Variants in PTPRT observed in about 807,000 individuals in gnomAD.
PTPRT encodes the protein protein tyrosine phosphatase receptor type T, also known as receptor-type tyrosine-protein phosphatase T.
A neutral mutation model predicts 176.8 loss-of-function variants in PTPRT; 56 were observed. The ratio of observed to expected loss-of-function variants is 0.32; its 90% CI spans 0.26 to 0.40. The LOEUF (loss-of-function observed/expected upper bound fraction) is 0.40. PTPRT is among the 10% of genes least tolerant of loss of function. PTPRT has a pLI of 1.00. For missense variants in PTPRT, 1,540 were observed against 1,908.2 expected, an observed-to-expected ratio of 0.81 and a Z score of 3.60; for synonymous variants, 783 against 739.0, an observed-to-expected ratio of 1.06 and a Z score of -0.96.
At chr20:42,387,609 C>T (rs576121032) in intron 9 of PTPRT, among the ~76,000 whole-genome samples, 109 of 152,220 alleles carry the variant, frequency 7.2e-4, no homozygotes, top group Middle Eastern at 3.4e-3. Flanking sequence ...AATGCTCTCC[C>T]GACTCCAACA....
intron 6 of PTPRT, among the ~76,000 whole-genome samples, chr20:42,705,331 C>T (rs879618552): frequency 5.3e-5 from 8 of 149,678 alleles, no homozygotes; most frequent in African/African-American, 7.4e-5. Flanking sequence ...AAGGAGTCAG[C>T]GAAGGGTGGT....
At chr20:42,675,198 C>T (rs1234645958) in intron 7 of PTPRT, among the ~76,000 whole-genome samples, 2 of 152,194 alleles carry the variant, frequency 1.3e-5, no homozygotes, top group African/African-American at 4.8e-5. Context: ...TTCCCTGATG[C>T]CCACTTCCAC....
At chr20:42,675,076 C>T (rs1036732106) in intron 7 of PTPRT, among the ~76,000 whole-genome samples, 4 of 152,152 alleles carry the variant, frequency 2.6e-5, no homozygotes, top group Non-Finnish European at 4.4e-5. Context: ...CTACCTGGCC[C>T]GTCAGCTCAC....
At chr20:42,745,820 CTG>C (rs1374932149) in intron 6 of PTPRT, among the ~76,000 whole-genome samples, 16 of 152,340 alleles carry the variant, frequency 1.1e-4, no homozygotes, top group Middle Eastern at 3.4e-3. Flanking sequence ...AGGCCTTGGA[CTG>C]TGTGACTCTG....
At chr20:42,944,381 T>C (rs1021968781) in intron 1 of PTPRT, among the ~76,000 whole-genome samples, 6 of 152,172 alleles carry the variant, frequency 3.9e-5, no homozygotes, top group African/African-American at 9.6e-5. Context: ...TTCCTCCCAA[T>C]AGCAGTGACA....
In PTPRT at chr20:42,077,046, C is replaced by T. The variant is rs1982844393; in HGVS notation, c.*3833G>A. ...TGGAACTGTGGGCAAGTGATTTCTC[C>T]CCTAGGAGCCTTAGTTTCCTCATCA... On this transcript the variant is annotated 3_prime_UTR_variant, in exon 31 of 31. Transcript: ENST00000373187. 5.4e-6 allele frequency: 1 copy of T among 185,288 alleles called. No individual in the cohort carries two copies. Among genetic ancestry groups the T allele is most frequent in the South Asian group, 2.0e-4 (1 of 5,106 alleles). The allele number at this position is 185,288 out of a possible 1,614,324, so 11.5% of individuals were successfully genotyped here.
intron 16 of PTPRT, among the ~76,000 whole-genome samples, chr20:42,171,666 T>C (rs780238898): frequency 2.0e-5 from 3 of 152,108 alleles, no homozygotes; most frequent in South Asian, 2.1e-4. Context: ...AGGATTCAAA[T>C]AGAGATAAAA....
rs1569038123 is a variant in PTPRT, at chr20:42,633,998, ATTATATAT to A, written c.1153+43860_1153+43867del. 1.0e-4 allele frequency among the ~76,000 whole-genome samples: 3 copies of A among 29,268 alleles called. 1 individual carries two copies. Among genetic ancestry groups the A allele is most frequent in the African/African-American group, 2.4e-4 (2 of 8,240 alleles). The allele number at this position is 29,268 out of a possible 152,430, so 19.2% of individuals were successfully genotyped here. ...ATATATTATATATTATATTATATATATTATATATATATAATATATATATAATATATATA... is the reference window on the plus strand; with the variant it reads ...ATATATTATATATTATATTATATATAATATAATATATATATAATATATATA... On this transcript the variant is annotated intron_variant, in intron 7 of 30. Coordinates refer to ENST00000373187, the MANE Select transcript of PTPRT (RefSeq NM_007050.6).
intron 1 of PTPRT, among the ~76,000 whole-genome samples, chr20:42,902,936 C>A (rs1181141157): frequency 1.3e-5 from 2 of 152,204 alleles, no homozygotes; most frequent in African/African-American, 2.4e-5. Context: ...AGACATTATT[C>A]TAGCTATCAG....
At chr20:42,895,165 A>G (rs2079272717) in intron 1 of PTPRT, among the ~76,000 whole-genome samples, 1 of 152,238 alleles carries the variant, frequency 6.6e-6, no homozygotes, top group Non-Finnish European at 1.5e-5. Context: ...AAATGCCACA[A>G]ACTGTGTGAC....
intron 5 of PTPRT, among the ~76,000 whole-genome samples, chr20:42,762,675 C>T: frequency 6.6e-6 from 1 of 152,226 alleles, no homozygotes; most frequent in Admixed American, 6.5e-5. Context: ...AGGGCTCTAT[C>T]TGCATATCAA....
intron 1 of PTPRT, among the ~76,000 whole-genome samples, chr20:43,002,964 C>A (rs1398214077): frequency 1.3e-5 from 2 of 149,910 alleles, no homozygotes; most frequent in Non-Finnish European, 3.0e-5. Flanking sequence ...ATAGATAAAA[C>A]ATGAATTAAT....
intron 1 of PTPRT, among the ~76,000 whole-genome samples, chr20:43,160,301 G>A (rs2014656330): frequency 1.3e-5 from 2 of 152,186 alleles, no homozygotes; most frequent in Admixed American, 1.3e-4. Context: ...CGCTGAGACG[G>A]ACCAGGCTTG....
intron 2 of PTPRT, among the ~76,000 whole-genome samples, chr20:42,813,380 TC>T (rs2077729888): frequency 6.6e-6 from 1 of 151,926 alleles, no homozygotes; most frequent in South Asian, 2.1e-4. Flanking sequence ...ATCCCTTCCT[TC>T]CTTTTTCTTC....
chr20:42,842,496 T>C (rs1430898953), intron 2 of PTPRT, among the ~76,000 whole-genome samples: 1 of 152,196 alleles, frequency 6.6e-6, no homozygotes, highest in East Asian at 1.9e-4. Context: ...CTCAGCTCAC[T>C]GCAACCTCTG....
At chr20:42,458,143 G>A (rs557814261) in intron 8 of PTPRT, among the ~76,000 whole-genome samples, 71 of 152,228 alleles carry the variant, frequency 4.7e-4, no homozygotes, top group African/African-American at 1.5e-3. Context: ...CTCCCATGAC[G>A]TCTTGCATTA....
At chr20:42,862,667 G>A (rs1351802304) in intron 2 of PTPRT, among the ~76,000 whole-genome samples, 4 of 152,168 alleles carry the variant, frequency 2.6e-5, no homozygotes, top group South Asian at 4.1e-4. Context: ...AAAGCACCTC[G>A]AATGTGCCGA....
intron 1 of PTPRT, among the ~76,000 whole-genome samples, chr20:43,003,470 C>A (rs958637891): frequency 1.4e-4 from 21 of 152,228 alleles, no homozygotes; most frequent in African/African-American, 5.1e-4. Context: ...CCAAAGTGCT[C>A]GGATTATAGG....
intron 1 of PTPRT, among the ~76,000 whole-genome samples, chr20:42,891,996 C>A (rs73907302): frequency 0.023 from 3,473 of 152,296 alleles, 76 homozygotes; most frequent in African/African-American, 0.057. Flanking sequence ...ATGAGTGTGG[C>A]TGTGTTCCAA....
Sources: gnomAD v4.1 joint callset for allele counts (sites outside exome capture counted in the v4.1 genomes callset) on GRCh38, gnomAD v4.1.1 for gene constraint, MANE v1.5 for transcripts, NCBI Gene and HGNC (gene_info 2026-07-23, HGNC 2026-07-21) for gene names.